The following SLC45A4 variants were observed in gnomAD, a reference collection of about 807,000 sequenced individuals.
SLC45A4 encodes the protein solute carrier family 45 member 4.
Under a neutral mutation model 63.7 loss-of-function variants are expected in SLC45A4, and 32 were observed. The ratio of observed to expected loss-of-function variants is 0.50; its 90% CI spans 0.38 to 0.67. The LOEUF is 0.67. Among genes scored for constraint, SLC45A4 ranks in the 30% least tolerant of loss-of-function variants. The pLI is 0.00. For synonymous variants in SLC45A4, 535 were observed against 510.0 expected, an observed-to-expected ratio of 1.05 and a Z score of -0.66; for missense variants, 1,027 against 1,157.7, an observed-to-expected ratio of 0.89 and a Z score of 1.64.
chr8:141,302,210 C>A (rs887548904), intron 1 of SLC45A4, among the ~76,000 whole-genome samples: 3 of 152,122 alleles, frequency 2.0e-5, no homozygotes, highest in Admixed American at 1.3e-4. Context: ...CAAATTAGGA[C>A]CAAAAATTTA....
intron 1 of SLC45A4, among the ~76,000 whole-genome samples, chr8:141,292,101 GC>G (rs1830368489): frequency 6.6e-6 from 1 of 152,222 alleles, no homozygotes; most frequent in Non-Finnish European, 1.5e-5. Context: ...AGACCTCACG[GC>G]CCTACTCCCC....
intron 1 of SLC45A4, among the ~76,000 whole-genome samples, chr8:141,290,540 G>A (rs928712532): frequency 2.0e-5 from 3 of 152,214 alleles, no homozygotes; most frequent in East Asian, 1.9e-4. Flanking sequence ...CCATGGCAGC[G>A]TTCCAGTCAC....
chr8:141,222,217 G>A (rs1342115054), intron 2 of SLC45A4, among the ~76,000 whole-genome samples: 3 of 152,248 alleles, frequency 2.0e-5, no homozygotes, highest in Non-Finnish European at 4.4e-5. Flanking sequence ...TACAAGAGCA[G>A]GACGGTGACT....
intron 1 of SLC45A4, among the ~76,000 whole-genome samples, chr8:141,282,634 A>T (rs907941266): frequency 4.6e-5 from 7 of 152,168 alleles, no homozygotes; most frequent in African/African-American, 1.7e-4. Context: ...TCCCCTTTGC[A>T]CTTCACAACA....
At chr8:141,297,262 G>A (rs1326187479) in intron 1 of SLC45A4, among the ~76,000 whole-genome samples, 4 of 152,172 alleles carry the variant, frequency 2.6e-5, no homozygotes, top group Non-Finnish European at 5.9e-5. Context: ...CCAAGAAGAG[G>A]CGGGCACCCG....
intron 1 of SLC45A4, among the ~76,000 whole-genome samples, chr8:141,293,293 A>G (rs1386792472): frequency 6.6e-6 from 1 of 151,930 alleles, no homozygotes; most frequent in African/African-American, 2.4e-5. Context: ...TCTCTACTAA[A>G]AATACAAAAA....
At chr8:141,306,804 C>A (rs1202895031) in intron 1 of SLC45A4, among the ~76,000 whole-genome samples, 1 of 152,230 alleles carries the variant, frequency 6.6e-6, no homozygotes, top group African/African-American at 2.4e-5. Flanking sequence ...TTTTCCCCAG[C>A]AGAAATGGGC....
Position 141,254,055 on chromosome 8 carries a change from T to C in SLC45A4, c.175A>G (p.Met59Val). 2.0e-6 allele frequency: 3 copies of C among 1,536,126 alleles called. No individual in the cohort carries two copies. In the South Asian group the frequency reaches 3.6e-5, roughly 18 times the overall value. The change falls in exon 2 of 9, where the codon ATG becomes GTG. Residue 59 changes from methionine to valine, a missense_variant. Met to Val is a conservative substitution (Grantham distance 21, BLOSUM62 1). Coordinates refer to ENST00000517878, the MANE Select transcript of SLC45A4 (RefSeq NM_001286646.2). This position sits in a 1 kb window ranked among gnomAD's most constrained non-coding sequence, Gnocchi z 4.5. ...MRLWVMHGAV[M>V]FGREFCYAME... ...GCGTAACAGAACTCCCTGCCAAACA[T>C]CACCGCCCCGTGCATCACCCACAGG...
chr8:141,254,627 G>A lies in SLC45A4; in HGVS notation c.-398C>T. 2 of 699,680 alleles carry A rather than the reference G, an allele frequency of 2.9e-6. No homozygotes were observed. The highest frequency in any genetic ancestry group is 5.2e-6 in the Non-Finnish European group (2 of 383,382). 43.3% of individuals were successfully genotyped at this position (699,680 alleles called of 1,614,324 possible). On this transcript the variant is annotated splice_region_variant and 5_prime_UTR_variant, in exon 2 of 9. Transcript: ENST00000517878. The surrounding 1 kb of genome is among the most constrained non-coding windows in gnomAD (Gnocchi z 4.5). ...GGTAATCCCCATCGAGTGACTGGATGATCTGCAAAAGAGGAAAACAACCCG... is the reference window on the plus strand; with the variant it reads ...GGTAATCCCCATCGAGTGACTGGATAATCTGCAAAAGAGGAAAACAACCCG...
intron 2 of SLC45A4, among the ~76,000 whole-genome samples, chr8:141,237,705 C>T (rs1212613405): frequency 6.6e-6 from 1 of 152,078 alleles, no homozygotes; most frequent in African/African-American, 2.4e-5. Flanking sequence ...ATCCCTGGAG[C>T]GAGTGCTCAG....
Position 141,219,818 on chromosome 8 carries a change from C to T in SLC45A4, c.442G>A (p.Gly148Ser), listed in dbSNP as rs765729267. The T allele has an allele frequency of 1.2e-5, 19 of 1,582,562 alleles. No homozygotes were observed. The highest frequency in any genetic ancestry group is 4.7e-5 in the East Asian group (2 of 42,674). The stretch of plus-strand genomic sequence containing the variant: ...ATGGGCTGCCGGTTGGGGACATCGC[C>T]GAGGGCCAGACCTGCGCAGAGCACA... The part of the protein sequence containing the change: ...LNGSAIGLAL[G>S]DVPNRQPIGI... Residue 148 changes from glycine to serine, a missense_variant, in exon 4 of 9, where the codon GGC (glycine) becomes AGC (serine). Physicochemically the swap from Gly to Ser is moderately conservative, Grantham distance 56. Transcript: ENST00000517878.
At chr8:141,269,478 G>C (rs60103161) in intron 1 of SLC45A4, among the ~76,000 whole-genome samples, 1 of 146,418 alleles carries the variant, frequency 6.8e-6, no homozygotes, top group African/African-American at 2.8e-5. Flanking sequence ...GTGTGTGTGT[G>C]TGTGTGTGTG....
chr8:141,273,788 G>GA (rs1408180896), intron 1 of SLC45A4, among the ~76,000 whole-genome samples: 1 of 152,136 alleles, frequency 6.6e-6, no homozygotes, highest in Non-Finnish European at 1.5e-5. Context: ...GTCGTGCTAC[G>GA]AAAGTGAAAA....
rs955084841 is a variant in SLC45A4 at position 141,212,437 on chromosome 8, G to A, written c.2061C>T (p.Asp687=). Residue 687 remains aspartate (D), a synonymous_variant, in exon 8 of 9, where the codon GAC becomes GAT. Coordinates refer to ENST00000517878, the MANE Select transcript of SLC45A4 (RefSeq NM_001286646.2). ...LVASALGGVV[D]AVGTVRVIPM... is the part of the protein sequence containing the mutation. ...GGATGACGCGGACAGTCCCCACGGC[G>A]TCGACCACGCCCCCAAGGGCAGAGG... is the stretch of plus-strand genomic sequence containing the variant. The A allele has an allele frequency of 2.0e-5, 33 of 1,613,658 alleles. No homozygotes were observed. Among genetic ancestry groups the A allele is most frequent in the Admixed American group, 1.0e-4 (6 of 60,014 alleles).
intron 8 of SLC45A4, 179 bp from the exon 9 acceptor site, chr8:141,211,876 A>G (rs1825839144): frequency 1.6e-6 from 2 of 1,260,534 alleles, no homozygotes; most frequent in African/African-American, 1.5e-5. Flanking sequence ...TATATCATTT[A>G]AAAACATGCA....
At chr8:141,287,945 G>A (rs73368306) in intron 1 of SLC45A4, among the ~76,000 whole-genome samples, 4,935 of 152,290 alleles carry the variant, frequency 0.032, 139 homozygotes, top group Middle Eastern at 0.085. Context: ...CCCAGCCACC[G>A]AGGGGGACTA....
chr8:141,216,724 G>GC (rs3214627), intron 6 of SLC45A4, among the ~76,000 whole-genome samples: 51,331 of 152,044 alleles, frequency 0.34, 8,887 homozygotes, highest in South Asian at 0.43. Context: ...GGTGAAACGT[G>GC]CTGGGCCCTG....
intron 7 of SLC45A4, 88 bp from the exon 8 acceptor site, chr8:141,212,644 C>A: frequency 2.1e-6 from 3 of 1,431,944 alleles, no homozygotes; most frequent in Non-Finnish European, 2.8e-6. Context: ...ACCCACAAGC[C>A]TGGAAACATG....
chr8:141,238,423 G>A (rs959409042), intron 2 of SLC45A4, among the ~76,000 whole-genome samples: 3 of 152,118 alleles, frequency 2.0e-5, no homozygotes, highest in Admixed American at 6.5e-5. Context: ...ACCCCAGAGC[G>A]ACGCCATCTT....
Sources: allele counts gnomAD v4.1 joint callset (sites outside exome capture counted in the v4.1 genomes callset), GRCh38; gene constraint gnomAD v4.1.1; non-coding constraint Gnocchi (gnomAD v3.1); transcripts MANE v1.5; gene names NCBI Gene and HGNC (gene_info 2026-07-23, HGNC 2026-07-21).